Variants in CASD1 observed in about 807,000 individuals in gnomAD.
The protein encoded by CASD1 is CAS1 domain sialic acid O acetyltransferase 1.
In CASD1, 41 loss-of-function variants were observed where a neutral mutation model predicts 100.0. The observed-to-expected ratio is 0.41, with a 90% CI of 0.32 to 0.53. CASD1 has a LOEUF of 0.53. CASD1 is among the 20% of genes least tolerant of loss of function. The probability of loss-of-function intolerance (pLI) is 0.25; values close to 1 mark genes in which losing one functional copy is unlikely to be tolerated. For missense variants in CASD1, 774 were observed against 948.7 expected (o/e 0.82, Z 2.42); for synonymous variants, 321 against 315.6 (o/e 1.02, Z -0.18).
intron 5 of CASD1, among the ~76,000 whole-genome samples, chr7:94,532,007 A>T (rs1223880087): frequency 6.6e-6 from 1 of 152,110 alleles, no homozygotes; most frequent in African/African-American, 2.4e-5. Context: ...ATTTAAGAGA[A>T]AGTGTTTAGT....
At chr7:94,605,987 C>A in the CASD1 span, among the ~76,000 whole-genome samples, 5 of 152,110 alleles carry the variant, frequency 3.3e-5, no homozygotes, top group Non-Finnish European at 5.9e-5. Flanking sequence ...CGCCACCACA[C>A]CCAGCTAATT....
At chr7:94,573,213 T>C in the CASD1 span, among the ~76,000 whole-genome samples, 1 of 152,232 alleles carries the variant, frequency 6.6e-6, no homozygotes, top group Non-Finnish European at 1.5e-5. Flanking sequence ...TTCAGGCTCT[T>C]TTTTGGTTCC....
chr7:94,565,985 A>G, the CASD1 span, among the ~76,000 whole-genome samples: 1 of 152,132 alleles, frequency 6.6e-6, no homozygotes, highest in East Asian at 1.9e-4. Flanking sequence ...CAAGATTACC[A>G]TTGGAAGTGT....
intron 8 of CASD1, 141 bp from the exon 9 acceptor site, chr7:94,537,331 G>A: frequency 1.4e-6 from 1 of 731,670 alleles, no homozygotes; most frequent in Non-Finnish European, 2.3e-6. Flanking sequence ...ACCATTATTT[G>A]CATGATTTGG....
the CASD1 span, among the ~76,000 whole-genome samples, chr7:94,602,201 C>T: frequency 6.6e-6 from 1 of 152,076 alleles, no homozygotes; most frequent in African/African-American, 2.4e-5. Context: ...CTCCTGCACC[C>T]TTGTATCGTT....
chr7:94,535,564 T>C, intron 8 of CASD1, 41 bp downstream of exon 8: 1 of 1,381,674 alleles, frequency 7.2e-7, no homozygotes, highest in Non-Finnish European at 1.0e-6. Flanking sequence ...GAGACTATAA[T>C]ATCAATTGCT....
At chr7:94,614,552 C>T in the CASD1 span, among the ~76,000 whole-genome samples, 12,630 of 152,156 alleles carry the variant, frequency 0.083, 1,770 homozygotes, top group African/African-American at 0.29. Context: ...CTCCTACCTT[C>T]GGTACTCGCC....
At chr7:94,629,296 T>C in the CASD1 span, 1 of 159,812 alleles carries the variant, frequency 6.3e-6, no homozygotes, top group African/African-American at 2.4e-5. Flanking sequence ...TATATAAAAT[T>C]ATCTCCTATT....
chr7:94,512,212 C>G (rs1793746465), intron 1 of CASD1, among the ~76,000 whole-genome samples: 1 of 152,062 alleles, frequency 6.6e-6, no homozygotes, highest in Non-Finnish European at 1.5e-5. Flanking sequence ...GAAGAACTGT[C>G]TTTGGGCCAC....
the CASD1 span, chr7:94,600,106 A>G: frequency 4.8e-6 from 1 of 208,922 alleles, no homozygotes. Flanking sequence ...CTTAATTGAC[A>G]TAGATGTCCT....
chr7:94,534,552 T>C (rs1316404363), intron 7 of CASD1, among the ~76,000 whole-genome samples: 1 of 152,212 alleles, frequency 6.6e-6, no homozygotes, highest in Non-Finnish European at 1.5e-5. Flanking sequence ...ATCTGGTTTA[T>C]GCTTGGTAAT....
At chr7:94,629,422 A>C in the CASD1 span, 18 of 296,276 alleles carry the variant, frequency 6.1e-5, 1 homozygote, top group Non-Finnish European at 1.0e-4. Flanking sequence ...AATATAGAAA[A>C]TCATAAGTTT....
At chr7:94,545,262 T>C (rs1795619862) in intron 11 of CASD1, among the ~76,000 whole-genome samples, 1 of 152,112 alleles carries the variant, frequency 6.6e-6, no homozygotes, top group African/African-American at 2.4e-5. Flanking sequence ...AGGACGACTT[T>C]TTTCTCTTTT....
chr7:94,544,336 T>A (rs1325409092), intron 10 of CASD1, 75 bp from the exon 11 acceptor site: 1 of 1,522,702 alleles, frequency 6.6e-7, no homozygotes, highest in Non-Finnish European at 9.0e-7. Flanking sequence ...TTATCTTTGT[T>A]AAATGTACTT....
At chr7:94,570,379 A>T in the CASD1 span, among the ~76,000 whole-genome samples, 1 of 152,306 alleles carries the variant, frequency 6.6e-6, no homozygotes, top group African/African-American at 2.4e-5. Context: ...TGATAACTGC[A>T]ATAGCATACA....
intron 1 of CASD1, 50 bp downstream of exon 1, chr7:94,510,267 C>G: frequency 7.5e-7 from 1 of 1,332,102 alleles, no homozygotes; most frequent in Non-Finnish European, 9.8e-7. Flanking sequence ...GAGGCGGCGA[C>G]GCGGCGGCTG....
intron 7 of CASD1, among the ~76,000 whole-genome samples, chr7:94,535,050 G>C (rs78773789): frequency 0.015 from 2,216 of 152,118 alleles, 48 homozygotes; most frequent in African/African-American, 0.051. Context: ...AAATATTTCC[G>C]CAAATCTGTG....
chr7:94,522,491 A>G (rs1794331192), intron 3 of CASD1, among the ~76,000 whole-genome samples: 1 of 152,212 alleles, frequency 6.6e-6, no homozygotes, highest in African/African-American at 2.4e-5. Flanking sequence ...GGAGAATTGC[A>G]TACTGCTCTC....
At chr7:94,589,007 T>C in the CASD1 span, 1 of 438,744 alleles carries the variant, frequency 2.3e-6, no homozygotes, top group Non-Finnish European at 4.2e-6. Context: ...GTTAATATTT[T>C]TCCCATTTTA....
Sources: allele counts gnomAD v4.1 joint callset (sites outside exome capture counted in the v4.1 genomes callset), GRCh38; gene constraint gnomAD v4.1.1; transcripts MANE v1.5; gene names NCBI Gene and HGNC (gene_info 2026-07-23, HGNC 2026-07-21).